The following CELF2 variants were observed in gnomAD, a reference collection of about 807,000 sequenced individuals.
CELF2 encodes CUGBP Elav-like family member 2.
In CELF2, 8 loss-of-function variants were observed where a neutral mutation model predicts 62.6. The ratio of observed to expected loss-of-function variants is 0.13; its 90% CI spans 0.07 to 0.23. CELF2 has a LOEUF of 0.23. Among genes scored for constraint, CELF2 ranks in the 10% least tolerant of loss-of-function variants. The pLI, the probability that CELF2 is intolerant of heterozygous loss-of-function variation, is 1.00. For missense variants in CELF2, 333 were observed against 671.0 expected, an observed-to-expected ratio of 0.50 and a Z score of 5.56; for synonymous variants, 258 against 250.0, an observed-to-expected ratio of 1.03 and a Z score of -0.30.
intron 2 of CELF2, among the ~76,000 whole-genome samples, chr10:11,187,247 T>C (rs891914906): frequency 6.6e-6 from 1 of 152,200 alleles, no homozygotes; most frequent in Non-Finnish European, 1.5e-5. Flanking sequence ...AATTTTTGTG[T>C]TCTCTTTGTG....
intron 4 of CELF2, among the ~76,000 whole-genome samples, chr10:11,254,339 GCACACGCACAGGTGCGCTCACACGC>G (rs1283284102): frequency 2.0e-5 from 3 of 152,206 alleles, no homozygotes; most frequent in African/African-American, 7.2e-5. Flanking sequence ...GCACTTCTGT[GCACACGCACAGGTGCGCTCACACGC>G]CACACACACA....
intron 1 of CELF2, among the ~76,000 whole-genome samples, chr10:10,817,707 TTATC>T (rs1199367338): frequency 6.6e-6 from 1 of 152,246 alleles, no homozygotes; most frequent in Non-Finnish European, 1.5e-5. Context: ...CACATTTTCT[TTATC>T]CATTCATTGG....
At chr10:10,850,881 C>G (rs1394766946) in intron 1 of CELF2, among the ~76,000 whole-genome samples, 1 of 151,798 alleles carries the variant, frequency 6.6e-6, no homozygotes, top group Non-Finnish European at 1.5e-5. Context: ...CCTCAGCTCA[C>G]TGCGACCTCT....
chr10:10,663,466 A>G, the CELF2 span, among the ~76,000 whole-genome samples: 1 of 152,210 alleles, frequency 6.6e-6, no homozygotes, highest in African/African-American at 2.4e-5. Flanking sequence ...CTAATATGAC[A>G]TTGATTTTGG....
chr10:11,327,183 TAAATC>T, intron 12 of CELF2, among the ~76,000 whole-genome samples: 1 of 101,534 alleles, frequency 9.8e-6, no homozygotes, highest in African/African-American at 3.8e-5. Flanking sequence ...ATATGCAAAT[TAAATC>T]ATTATGGGGG....
At chr10:11,173,361 G>A (rs867152259) in intron 2 of CELF2, among the ~76,000 whole-genome samples, 1 of 152,316 alleles carries the variant, frequency 6.6e-6, no homozygotes, top group East Asian at 1.9e-4. Context: ...TTTCGCTCCA[G>A]AGACCCCAGA....
At chr10:10,728,198 T>C in the CELF2 span, among the ~76,000 whole-genome samples, 1 of 151,194 alleles carries the variant, frequency 6.6e-6, no homozygotes, top group Non-Finnish European at 1.5e-5. Flanking sequence ...CCCAGCACTT[T>C]GGGAGGCTGA....
the CELF2 span, among the ~76,000 whole-genome samples, chr10:10,724,673 A>AAAG: frequency 3.7e-4 from 56 of 150,412 alleles, no homozygotes; most frequent in African/African-American, 1.3e-3. Flanking sequence ...AAAAAAAAGA[A>AAAG]AAAAGAAAAG....
At chr10:10,652,693 G>T in the CELF2 span, among the ~76,000 whole-genome samples, 1 of 151,674 alleles carries the variant, frequency 6.6e-6, no homozygotes, top group African/African-American at 2.4e-5. Context: ...GTCACCACCA[G>T]GCCTGCCCTA....
intron 2 of CELF2, among the ~76,000 whole-genome samples, chr10:11,216,519 T>C (rs1565359769): frequency 6.6e-6 from 1 of 152,224 alleles, no homozygotes; most frequent in Non-Finnish European, 1.5e-5. Flanking sequence ...CCTACCCTCT[T>C]TTCCCAAACT....
intron 1 of CELF2, among the ~76,000 whole-genome samples, chr10:10,880,387 A>G (rs1216461348): frequency 6.6e-6 from 1 of 152,162 alleles, no homozygotes; most frequent in East Asian, 1.9e-4. Flanking sequence ...AGGCCTGAAT[A>G]TTCTGAACAG....
In CELF2 at chr10:11,291,148, G is replaced by C. The variant is rs75662590; in HGVS notation, c.976+2596G>C. 5.3e-3 allele frequency among the ~76,000 whole-genome samples: 808 copies of C among 152,186 alleles called. 8 individuals carry two copies. Among genetic ancestry groups the C allele is most frequent in the African/African-American group, 0.018 (740 of 41,518 alleles). On this transcript the variant is annotated intron_variant, in intron 9 of 12. Coordinates refer to ENST00000633077, the MANE Select transcript of CELF2 (RefSeq NM_001326342.2). ...AGTTCACTTGCCCTGTGAGTTGAAGGGAAGCCTCATCCCATCTCTCCTCCA... is the reference window on the plus strand; with the variant it reads ...AGTTCACTTGCCCTGTGAGTTGAAGCGAAGCCTCATCCCATCTCTCCTCCA...
At chr10:11,072,354 G>A (rs113167220) in intron 1 of CELF2, among the ~76,000 whole-genome samples, 1,704 of 152,294 alleles carry the variant, frequency 0.011, 34 homozygotes, top group African/African-American at 0.039. Context: ...ATGTCACTAT[G>A]TGAGACTCAA....
chr10:10,644,806 T>C, the CELF2 span, among the ~76,000 whole-genome samples: 1 of 152,120 alleles, frequency 6.6e-6, no homozygotes, highest in East Asian at 1.9e-4. Context: ...CAAATGCACT[T>C]TGGAGCAGTT....
intron 1 of CELF2, among the ~76,000 whole-genome samples, chr10:10,911,452 G>A (rs1193768163): frequency 6.6e-6 from 1 of 152,254 alleles, no homozygotes; most frequent in Non-Finnish European, 1.5e-5. Flanking sequence ...GAGGCTGTAT[G>A]TGTCAGTGAT....
In CELF2 at chr10:11,247,606, C is replaced by T. The variant is rs2076002761; in HGVS notation, c.355-1547C>T. Among the ~76,000 whole-genome samples the T allele has an allele frequency of 2.0e-5, 3 of 151,912 alleles. No homozygotes were observed. The highest frequency in any genetic ancestry group is 2.0e-4 in the Admixed American group (3 of 15,250). On this transcript the variant is annotated intron_variant, in intron 3 of 12. Transcript: ENST00000633077. The surrounding 1 kb of genome is among the most constrained non-coding windows in gnomAD (Gnocchi z 5.4). ...CCATCCTATGCCCGCCATCCCATGC[C>T]CGCCATCCCACCCCTGCCACACTGA... is the stretch of plus-strand genomic sequence containing the variant.
At chr10:10,705,814 T>C in the CELF2 span, among the ~76,000 whole-genome samples, 2,764 of 152,278 alleles carry the variant, frequency 0.018, 44 homozygotes, top group African/African-American at 0.043. Context: ...GAAGTCTGTG[T>C]GTCCCAGTTC....
At chr10:10,762,743 G>C in the CELF2 span, among the ~76,000 whole-genome samples, 1 of 151,932 alleles carries the variant, frequency 6.6e-6, no homozygotes, top group Non-Finnish European at 1.5e-5. Flanking sequence ...AGCAAAGAAA[G>C]ATTTGAAAAA....
chr10:10,691,693 G>A, the CELF2 span, among the ~76,000 whole-genome samples: 49 of 146,208 alleles, frequency 3.4e-4, no homozygotes, highest in Non-Finnish European at 5.6e-4. Context: ...TTTAATGATA[G>A]CCATTCTAAC....
Sources: gnomAD v4.1 joint callset for allele counts (sites outside exome capture counted in the v4.1 genomes callset) on GRCh38, gnomAD v4.1.1 for gene constraint, Gnocchi (gnomAD v3.1) non-coding constraint, MANE v1.5 for transcripts, NCBI Gene and HGNC (gene_info 2026-07-23, HGNC 2026-07-21) for gene names.